The following PTPRZ1 variants were observed in gnomAD, a reference collection of about 807,000 sequenced individuals.
PTPRZ1 encodes the protein receptor-type tyrosine-protein phosphatase zeta.
A neutral mutation model predicts 214.1 loss-of-function variants in PTPRZ1; 82 were observed. That is an observed-to-expected ratio of 0.38 (90% CI 0.32 to 0.46). The LOEUF (loss-of-function observed/expected upper bound fraction) is 0.46. Ranked by LOEUF, PTPRZ1 falls within the 20% of genes least tolerant of loss-of-function variation. The pLI is 1.00. For missense variants in PTPRZ1, 2,603 were observed against 2,748.7 expected, an observed-to-expected ratio of 0.95 and a Z score of 1.19; for synonymous variants, 945 against 987.9, an observed-to-expected ratio of 0.96 and a Z score of 0.81.
At chr7:121,964,953 T>C (rs1796999994) in intron 2 of PTPRZ1, among the ~76,000 whole-genome samples, 1 of 152,158 alleles carries the variant, frequency 6.6e-6, no homozygotes, top group Admixed American at 6.5e-5. Flanking sequence ...AGAGAGGACA[T>C]GAGCGGGGAC....
intron 12 of PTPRZ1, 21 bp from the exon 13 acceptor site, chr7:122,019,103 C>T (rs985252848): frequency 6.3e-7 from 1 of 1,581,008 alleles, no homozygotes; most frequent in Admixed American, 1.8e-5. Flanking sequence ...TATCAATTCT[C>T]TCAATTTTCT....
intron 1 of PTPRZ1, chr7:121,909,021 A>G: frequency 2.1e-6 from 1 of 484,298 alleles, no homozygotes; most frequent in South Asian, 1.5e-5. Flanking sequence ...TATTAGATAT[A>G]TGTGCTAATG....
chr7:122,045,565 C>T (rs1279305240), intron 23 of PTPRZ1, among the ~76,000 whole-genome samples: 3 of 151,836 alleles, frequency 2.0e-5, no homozygotes, highest in Non-Finnish European at 4.4e-5. Context: ...CTCATCCAAG[C>T]TTATCTCAGT....
chr7:122,010,041 A>C (rs1185394776), intron 11 of PTPRZ1, among the ~76,000 whole-genome samples: 1 of 152,204 alleles, frequency 6.6e-6, no homozygotes, highest in African/African-American at 2.4e-5. Flanking sequence ...GTCAATAAAT[A>C]ACTACAGTGT....
chr7:121,968,538 TTA>T (rs1316949577), intron 3 of PTPRZ1, among the ~76,000 whole-genome samples: 1 of 152,024 alleles, frequency 6.6e-6, no homozygotes, highest in Non-Finnish European at 1.5e-5. Context: ...TAATTGAAAT[TTA>T]AGAAAATAAA....
chr7:121,965,401 G>GT (rs1264257277), intron 2 of PTPRZ1, among the ~76,000 whole-genome samples: 5 of 152,042 alleles, frequency 3.3e-5, no homozygotes, highest in African/African-American at 1.2e-4. Context: ...GGTGTTTTTT[G>GT]TTTTTTGTTT....
rs1798768553 is a variant in PTPRZ1 at position 122,013,959 on chromosome 7, A to C, written c.4843+70A>C. The C allele has an allele frequency of 5.4e-6, 7 of 1,307,008 alleles. No individual in the cohort carries two copies. In the South Asian group the frequency reaches 1.1e-4, roughly 21 times the overall value. The allele number at this position is 1,307,008 out of a possible 1,614,324, so 81.0% of individuals were successfully genotyped here. On this transcript the variant is annotated intron_variant, in intron 12 of 29. Coordinates refer to ENST00000393386, the MANE Select transcript of PTPRZ1 (RefSeq NM_002851.3). ...TTGCTCTAAAAGTAAAATGAAAATTATAGAAAGATAGAAATTTGGTAAAAT... is the reference window on the plus strand; with the variant it reads ...TTGCTCTAAAAGTAAAATGAAAATTCTAGAAAGATAGAAATTTGGTAAAAT...
chr7:122,004,255 G>A (rs1487867156), intron 10 of PTPRZ1, among the ~76,000 whole-genome samples: 3 of 152,054 alleles, frequency 2.0e-5, no homozygotes, highest in Non-Finnish European at 4.4e-5. Context: ...AAATAACTCT[G>A]TACTGATGAA....
At chr7:121,880,451 A>G (rs1482742618) in intron 1 of PTPRZ1, among the ~76,000 whole-genome samples, 1 of 152,142 alleles carries the variant, frequency 6.6e-6, no homozygotes, top group African/African-American at 2.4e-5. Context: ...CCCCTTTAGC[A>G]CTTACTGGAT....
chr7:122,045,263 A>G (rs1799853856), intron 23 of PTPRZ1, among the ~76,000 whole-genome samples: 1 of 152,104 alleles, frequency 6.6e-6, no homozygotes, highest in African/African-American at 2.4e-5. Context: ...TTCCTGTGCT[A>G]TCTGCTTGCT....
intron 3 of PTPRZ1, among the ~76,000 whole-genome samples, chr7:121,971,140 CTGT>C (rs1274595595): frequency 6.6e-6 from 1 of 152,096 alleles, no homozygotes; most frequent in East Asian, 1.9e-4. Flanking sequence ...TCTGAGGGCT[CTGT>C]TCTGTTCCAT....
chr7:121,885,143 G>A (rs1393185548), intron 1 of PTPRZ1, among the ~76,000 whole-genome samples: 5 of 152,206 alleles, frequency 3.3e-5, no homozygotes, highest in African/African-American at 1.2e-4. Flanking sequence ...AATTGGGTAA[G>A]TAGGAAAAGA....
chr7:121,950,730 G>A (rs1260858439), intron 2 of PTPRZ1, among the ~76,000 whole-genome samples: 1 of 152,168 alleles, frequency 6.6e-6, no homozygotes, highest in Non-Finnish European at 1.5e-5. Context: ...TTGTTTATCT[G>A]TATGTCTTCT....
At chr7:121,916,426 C>T (rs1251504791) in intron 1 of PTPRZ1, among the ~76,000 whole-genome samples, 1 of 152,202 alleles carries the variant, frequency 6.6e-6, no homozygotes, top group African/African-American at 2.4e-5. Context: ...ACTACATTAA[C>T]TTGTTCAGTC....
At chr7:121,987,726 A>T (rs1797801013) in intron 8 of PTPRZ1, among the ~76,000 whole-genome samples, 1 of 152,176 alleles carries the variant, frequency 6.6e-6, no homozygotes, top group South Asian at 2.1e-4. Flanking sequence ...TGACATATGC[A>T]CTTATATGTT....
rs1011832634 is a variant in PTPRZ1, at chr7:121,923,986, TAG to T, written c.59-4168_59-4167del. Among the ~76,000 whole-genome samples, 14 of 152,034 alleles carry T rather than the reference TAG, an allele frequency of 9.2e-5. 1 individual carries two copies. The highest frequency in any genetic ancestry group is 2.6e-4 in the Admixed American group (4 of 15,266). The stretch of plus-strand genomic sequence containing the variant: ...ATTCCTCTCAATTTAGTTAGGAGGT[TAG>T]AAAGCTACTTCATGAAGAATATTTT... On this transcript the variant is annotated intron_variant, in intron 1 of 29. Coordinates refer to ENST00000393386, the MANE Select transcript of PTPRZ1 (RefSeq NM_002851.3).
chr7:122,019,702 C>T (rs1798959264), intron 13 of PTPRZ1, among the ~76,000 whole-genome samples: 1 of 152,014 alleles, frequency 6.6e-6, no homozygotes, highest in South Asian at 2.1e-4. Flanking sequence ...AAAATGATAA[C>T]CTGTGCATAA....
chr7:122,013,642 T>C lies in PTPRZ1; in HGVS notation c.4596T>C (p.Pro1532=), dbSNP rs1421940268. The change falls in exon 12 of 30, where the codon CCT becomes CCC. Residue 1532 remains proline, a synonymous_variant. Coordinates refer to ENST00000393386, the MANE Select transcript of PTPRZ1 (RefSeq NM_002851.3). The part of the protein sequence containing the change: ...NDIQTGSALL[P]LSPESKAWAV... ...TTCAGACTGGTAGTGCTCTGCTTCC[T>C]CTCAGCCCTGAATCTAAAGCATGGG... 6.2e-7 allele frequency: 1 copy of C among 1,614,218 alleles called. No homozygotes were observed. Among genetic ancestry groups the C allele is most frequent in the Non-Finnish European group, 8.5e-7 (1 of 1,180,038 alleles).
chr7:121,941,551 C>T (rs945679052), intron 2 of PTPRZ1, among the ~76,000 whole-genome samples: 15 of 152,168 alleles, frequency 9.9e-5, no homozygotes, highest in Non-Finnish European at 1.6e-4. Flanking sequence ...CATCTGTTTG[C>T]TTGTCCAGCA....
Sources: gnomAD v4.1 joint callset for allele counts (sites outside exome capture counted in the v4.1 genomes callset) on GRCh38, gnomAD v4.1.1 for gene constraint, MANE v1.5 for transcripts, NCBI Gene and HGNC (gene_info 2026-07-23, HGNC 2026-07-21) for gene names.